Variants in SORCS3 observed in about 807,000 individuals in gnomAD.
The protein encoded by SORCS3 is sortilin related VPS10 domain containing receptor 3.
In SORCS3, 57 loss-of-function variants were observed where a neutral mutation model predicts 146.3. The ratio of observed to expected loss-of-function variants is 0.39; its 90% CI spans 0.31 to 0.49. The LOEUF is 0.49. Among genes scored for constraint, SORCS3 ranks in the 20% least tolerant of loss-of-function variants. The probability of loss-of-function intolerance (pLI) is 0.92; values close to 1 mark genes in which losing one functional copy is unlikely to be tolerated. For missense variants in SORCS3, 1,341 were observed against 1,575.5 expected (o/e 0.85, Z 2.52); for synonymous variants, 653 against 618.5 (o/e 1.06, Z -0.83).
intron 1 of SORCS3, among the ~76,000 whole-genome samples, chr10:104,743,020 C>T (rs964158078): frequency 1.4e-4 from 22 of 152,166 alleles, no homozygotes; most frequent in Non-Finnish European, 1.5e-5. Flanking sequence ...ATTTTATATG[C>T]ATTACCTTTT....
intron 1 of SORCS3, among the ~76,000 whole-genome samples, chr10:104,670,789 A>G (rs931003548): frequency 1.3e-5 from 2 of 152,180 alleles, no homozygotes; most frequent in African/African-American, 4.8e-5. Context: ...CATTTTGACA[A>G]TATTAAGTCT....
intron 1 of SORCS3, among the ~76,000 whole-genome samples, chr10:104,836,140 A>G (rs996077112): frequency 1.3e-5 from 2 of 152,042 alleles, no homozygotes; most frequent in Non-Finnish European, 1.5e-5. Context: ...GATATTTAGG[A>G]TTTTTGGGTG....
intron 1 of SORCS3, among the ~76,000 whole-genome samples, chr10:104,722,497 T>C (rs2016562277): frequency 6.6e-6 from 1 of 152,226 alleles, no homozygotes; most frequent in African/African-American, 2.4e-5. Context: ...CCTCATAAAA[T>C]GAGTTAGGGA....
At chr10:104,669,560 T>C (rs2015826082) in intron 1 of SORCS3, among the ~76,000 whole-genome samples, 1 of 152,214 alleles carries the variant, frequency 6.6e-6, no homozygotes, top group Admixed American at 6.5e-5. Flanking sequence ...GTAATATGCG[T>C]CAGAATGTCC....
chr10:105,243,225 A>G (rs1046177245), intron 20 of SORCS3, among the ~76,000 whole-genome samples: 2 of 151,708 alleles, frequency 1.3e-5, no homozygotes, highest in African/African-American at 4.8e-5. Flanking sequence ...GCCTAAATCC[A>G]TTTGTCAATG....
chr10:104,792,918 T>C (rs1213999131), intron 1 of SORCS3, among the ~76,000 whole-genome samples: 1 of 152,192 alleles, frequency 6.6e-6, no homozygotes, highest in Non-Finnish European at 1.5e-5. Flanking sequence ...TTTGGGGTCA[T>C]GGATTTCCCA....
intron 1 of SORCS3, among the ~76,000 whole-genome samples, chr10:104,661,825 C>T (rs1045992673): frequency 6.6e-6 from 1 of 152,094 alleles, no homozygotes; most frequent in Non-Finnish European, 1.5e-5. Flanking sequence ...GACTTGATCT[C>T]GGCCTTCTGG....
chr10:104,843,771 G>T (rs931795448), intron 2 of SORCS3, among the ~76,000 whole-genome samples: 3 of 152,244 alleles, frequency 2.0e-5, no homozygotes, highest in Non-Finnish European at 4.4e-5. Context: ...AGTCACACTG[G>T]TCGACAGCGG....
intron 1 of SORCS3, among the ~76,000 whole-genome samples, chr10:104,732,226 C>G (rs952313068): frequency 3.3e-5 from 5 of 152,092 alleles, no homozygotes; most frequent in African/African-American, 1.2e-4. Flanking sequence ...GCAAAGTAAG[C>G]AAGAAAGGGC....
intron 1 of SORCS3, among the ~76,000 whole-genome samples, chr10:104,828,175 G>C (rs2017959487): frequency 6.6e-6 from 1 of 152,302 alleles, no homozygotes; most frequent in Admixed American, 6.5e-5. Flanking sequence ...TGGCACAAGA[G>C]ACCTAGCTTT....
At chr10:105,232,433 T>A (rs1331891621) in intron 20 of SORCS3, among the ~76,000 whole-genome samples, 1 of 152,116 alleles carries the variant, frequency 6.6e-6, no homozygotes. Flanking sequence ...CCTCTCTTTT[T>A]TCTTAATTAG....
At chr10:105,253,670 C>T (rs986937129) in intron 23 of SORCS3, among the ~76,000 whole-genome samples, 1 of 152,168 alleles carries the variant, frequency 6.6e-6, no homozygotes, top group Non-Finnish European at 1.5e-5. Flanking sequence ...GAATCACAAA[C>T]ATTTGCTCTC....
chr10:104,811,763 A>G (rs1430808902), intron 1 of SORCS3, among the ~76,000 whole-genome samples: 1 of 152,206 alleles, frequency 6.6e-6, no homozygotes, highest in Non-Finnish European at 1.5e-5. Context: ...TGGCAGCCAG[A>G]TAGCAGACAG....
chr10:105,200,536 G>A (rs1440282319), intron 15 of SORCS3, among the ~76,000 whole-genome samples: 2 of 152,146 alleles, frequency 1.3e-5, no homozygotes, highest in Admixed American at 1.3e-4. Flanking sequence ...CTGAGAAATG[G>A]TGTCAGGGTG....
At chr10:104,913,939 T>G (rs535391089) in intron 2 of SORCS3, among the ~76,000 whole-genome samples, 2 of 152,128 alleles carry the variant, frequency 1.3e-5, no homozygotes, top group East Asian at 3.9e-4. Flanking sequence ...CAGCTAATTT[T>G]TATATTTTTA....
chr10:105,074,199 A>G (rs1273919420), intron 5 of SORCS3, among the ~76,000 whole-genome samples: 1 of 152,198 alleles, frequency 6.6e-6, no homozygotes, highest in Non-Finnish European at 1.5e-5. Context: ...ACAAGCCTGC[A>G]CGGTGCATCA....
chr10:104,725,444 G>T (rs1232682964), intron 1 of SORCS3, among the ~76,000 whole-genome samples: 2 of 152,248 alleles, frequency 1.3e-5, no homozygotes, highest in Non-Finnish European at 2.9e-5. Flanking sequence ...TGAGGAGGCA[G>T]TCTGTCCGTT....
intron 7 of SORCS3, among the ~76,000 whole-genome samples, chr10:105,123,345 T>C (rs1589644639): frequency 6.6e-6 from 1 of 152,174 alleles, no homozygotes; most frequent in Non-Finnish European, 1.5e-5. Flanking sequence ...TAGTCAGACA[T>C]AGGAAAGGGA....
At chr10:105,185,066 G>A (rs772092484) in intron 14 of SORCS3, among the ~76,000 whole-genome samples, 6 of 152,120 alleles carry the variant, frequency 3.9e-5, no homozygotes, top group Non-Finnish European at 8.8e-5. Context: ...TAAAGTATGT[G>A]TCCTTCGATG....
Sources: allele counts gnomAD v4.1 joint callset (sites outside exome capture counted in the v4.1 genomes callset), GRCh38; gene constraint gnomAD v4.1.1; transcripts MANE v1.5; gene names NCBI Gene and HGNC (gene_info 2026-07-23, HGNC 2026-07-21).